The following IFT172 variants were observed in gnomAD, a reference collection of about 807,000 sequenced individuals.
The protein encoded by IFT172 is intraflagellar transport 172.
In IFT172, 164 loss-of-function variants were observed where a neutral mutation model predicts 248.9. The observed-to-expected ratio is 0.66, with a 90% CI of 0.58 to 0.75. The LOEUF is 0.75. Ranked by LOEUF, IFT172 falls within the 30% of genes least tolerant of loss-of-function variation. The probability of loss-of-function intolerance (pLI) is 0.00; values close to 1 mark genes in which losing one functional copy is unlikely to be tolerated. For synonymous variants in IFT172, 729 were observed against 791.6 expected, an observed-to-expected ratio of 0.92 and a Z score of 1.33; for missense variants, 1,950 against 2,192.4, an observed-to-expected ratio of 0.89 and a Z score of 2.21.
rs747304738 is a variant in IFT172, at chr2:27,453,462, C to A, written c.3873G>T (p.Glu1291Asp). 1 of 1,614,148 alleles carries A rather than the reference C, an allele frequency of 6.2e-7. No individual in the cohort carries two copies. The highest frequency in any genetic ancestry group is 1.1e-5 in the South Asian group (1 of 91,088). ...GGTAGCAGTCCACGGCACGGCTGTA[C>A]TCTCCAGCCTGCTCCCAGTGTCGAG... ...EQARHWEQAG[E>D]YSRAVDCYLK... The change falls in exon 35 of 48, where the codon GAG becomes GAT. Residue 1291 changes from glutamate (E) to aspartate (D), a missense_variant. Physicochemically the swap from Glu to Asp is conservative, Grantham distance 45. Transcript: ENST00000260570.
intron 29 of IFT172, 85 bp downstream of exon 29, chr2:27,457,554 G>A (rs1666256139): frequency 4.2e-6 from 5 of 1,188,382 alleles, no homozygotes; most frequent in Non-Finnish European, 6.2e-6. Flanking sequence ...CAGCCTGGGT[G>A]ACAGAGTGAG....
chr2:27,471,053 G>A lies in IFT172; in HGVS notation c.1567C>T (p.Leu523Phe), dbSNP rs1237426653. 3 of 1,612,108 alleles carry A rather than the reference G, an allele frequency of 1.9e-6. No individual in the cohort carries two copies. The African/African-American group carries it at 4.0e-5, about 22-fold the overall frequency. The change falls in exon 16 of 48, where the codon CTC becomes TTC. Residue 523 changes from leucine (L) to phenylalanine (F), a missense_variant. This residue lies in a region of IFT172 where 1,166 missense variants were observed against 1,254.1 expected (regional missense o/e 0.93). Coordinates refer to ENST00000260570, the MANE Select transcript of IFT172 (RefSeq NM_015662.3). ...DIESCSKTMI[L>F]NFCSYMQWVP... Reference sequence around the variant, plus strand: ...CACTGCATATAGGAGCAGAAGTTGAGGATCATTGTCTTAGAGCAGCTTTCA... The same window carrying A: ...CACTGCATATAGGAGCAGAAGTTGAAGATCATTGTCTTAGAGCAGCTTTCA...
At chr2:27,488,549 C>T (rs1668932455) in intron 1 of IFT172, among the ~76,000 whole-genome samples, 2 of 152,182 alleles carry the variant, frequency 1.3e-5, no homozygotes, top group Non-Finnish European at 2.9e-5. Context: ...AGCCACTGGG[C>T]CTGGCCAGAC....
rs1176061294 is a variant in IFT172 at position 27,472,326 on chromosome 2, C to T, written c.1448G>A (p.Ser483Asn). The T allele has an allele frequency of 3.7e-6, 6 of 1,614,028 alleles. No individual in the cohort carries two copies. In the South Asian group the frequency reaches 6.6e-5, roughly 18 times the overall value. Residue 483 changes from serine (S) to asparagine (N), a missense_variant, in exon 15 of 48, where the codon AGC (serine) becomes AAC (asparagine). By Grantham distance (46) the Ser-to-Asn change is conservative. This residue lies in a region of IFT172 where 1,166 missense variants were observed against 1,254.1 expected (regional missense o/e 0.93). Transcript: ENST00000260570. Reference sequence around the variant, plus strand: ...CAGCCAATCCACACGGCTCTCATGGCTGACGGTGCCAATGTTGTAGCCACC... The same window carrying T: ...CAGCCAATCCACACGGCTCTCATGGTTGACGGTGCCAATGTTGTAGCCACC... ...LIGGYNIGTV[S>N]HESRVDWLEL...
chr2:27,461,934 G>A, intron 20 of IFT172, 98 bp from the exon 21 acceptor site: 1 of 1,300,344 alleles, frequency 7.7e-7, no homozygotes, highest in Admixed American at 1.8e-5. Flanking sequence ...CAGCCCATGA[G>A]GACCAAAAGC....
At chr2:27,446,803 C>T (rs1665159364) in intron 42 of IFT172, among the ~76,000 whole-genome samples, 1 of 150,010 alleles carries the variant, frequency 6.7e-6, no homozygotes, top group African/African-American at 2.5e-5. Flanking sequence ...GGGTTCACGC[C>T]ATTCTCCTGC....
At position 27,445,305 on chromosome 2, in the gene IFT172, G is replaced by C; in HGVS notation, c.5059C>G (p.Leu1687Val). The C allele has an allele frequency of 6.2e-7, 1 of 1,612,032 alleles. No homozygotes were observed. Among genetic ancestry groups the C allele is most frequent in the Non-Finnish European group, 8.5e-7 (1 of 1,178,840 alleles). Residue 1687 changes from leucine to valine, a missense_variant, in exon 46 of 48, where the codon CTT becomes GTT. Around this residue, in one of 3 missense-constraint regions of IFT172, gnomAD observed 620 missense variants for 699.0 expected, o/e 0.89. Transcript: ENST00000260570. The surrounding 1 kb of genome is among the most constrained non-coding windows in gnomAD (Gnocchi z 4.4). Reference sequence around the variant, plus strand: ...CTGTAGGCTTCTATACCTGTAATAAGGCAGGGCAGGGCTCGAACACCAGTG... The same window carrying C: ...CTGTAGGCTTCTATACCTGTAATAACGCAGGGCAGGGCTCGAACACCAGTG... ...ASTGVRALPC[L>V]ITGYPILRNK...
chr2:27,462,934 G>A, intron 19 of IFT172, 141 bp from the exon 20 acceptor site: 1 of 1,164,046 alleles, frequency 8.6e-7, no homozygotes, highest in Admixed American at 2.2e-5. Context: ...AAGGTTTGAG[G>A]TTTAGCAAAA....
In IFT172 at chr2:27,445,906, C is replaced by CG. The variant is rs748832823; in HGVS notation, c.4815+22dup. The CG allele has an allele frequency of 6.2e-7, 1 of 1,614,176 alleles. No homozygotes were observed. The highest frequency in any genetic ancestry group is 2.2e-5 in the East Asian group (1 of 44,888). ...CGCGACTGGCAAAAACCTCCACCCT[C>CG]GGGGCACAGCTTCCCTACTCACATC... On this transcript the variant is annotated intron_variant, in intron 44 of 47. Coordinates refer to ENST00000260570, the MANE Select transcript of IFT172 (RefSeq NM_015662.3). The surrounding 1 kb of genome is among the most constrained non-coding windows in gnomAD (Gnocchi z 4.4).
chr2:27,484,262 C>G lies in IFT172; in HGVS notation c.301G>C (p.Asp101His). 1 of 1,613,926 alleles carries G rather than the reference C, an allele frequency of 6.2e-7. No homozygotes were observed. The highest frequency in any genetic ancestry group is 8.5e-7 in the Non-Finnish European group (1 of 1,179,876). ...YVYKIGEDWGDKKVICNKFIQ... is the reference protein window; with the variant it reads ...YVYKIGEDWGHKKVICNKFIQ... ...AACTTGTTGCAGATGACTTTCTTGT[C>G]ACCCCTGCCAAACAAAAGAAGGGGA... The change falls in exon 4 of 48, where the codon GAC becomes CAC. Residue 101 changes from aspartate (D) to histidine (H), a missense_variant. Transcript: ENST00000260570.
intron 7 of IFT172, among the ~76,000 whole-genome samples, chr2:27,482,733 A>G (rs182362083): frequency 6.6e-5 from 10 of 152,260 alleles, no homozygotes; most frequent in African/African-American, 2.2e-4. Flanking sequence ...TATATTTTAC[A>G]TAAATGGGAA....
At chr2:27,462,875 G>T in intron 19 of IFT172, 82 bp from the exon 20 acceptor site, 1 of 1,400,102 alleles carries the variant, frequency 7.1e-7, no homozygotes. Flanking sequence ...AGGCCAGAAG[G>T]ATGTAGAAAA....
intron 16 of IFT172, 126 bp from the exon 17 acceptor site, chr2:27,466,008 C>G: frequency 1.8e-6 from 2 of 1,095,244 alleles, no homozygotes; most frequent in Non-Finnish European, 2.7e-6. Context: ...CCTGATTTTC[C>G]TAACATTTTA....
In IFT172 at chr2:27,461,432, T is replaced by G; in HGVS notation, c.2279A>C (p.Gln760Pro). ...TQQEERAGEL[Q>P]ESQGDGLAAI... is the part of the protein sequence containing the mutation. ...TGCTAGCCCATCCCCTTGGCTCTCC[T>G]GTAGTTCACCTGCTCGCTCCTCTTG... The change falls in exon 22 of 48, where the codon CAG becomes CCG. Residue 760 changes from glutamine to proline, a missense_variant. Gln to Pro is a moderately conservative substitution (Grantham distance 76). Transcript: ENST00000260570. The G allele has an allele frequency of 1.9e-6, 3 of 1,614,164 alleles. No homozygotes were observed. The highest frequency in any genetic ancestry group is 8.5e-7 in the Non-Finnish European group (1 of 1,180,022).
rs199667794 is a variant in IFT172, at chr2:27,445,920, C to T, written c.4815+9G>A. 1.9e-4 allele frequency: 309 copies of T among 1,614,110 alleles called. No homozygotes were observed. The highest frequency in any genetic ancestry group is 8.3e-5 in the Admixed American group (5 of 60,012). On this transcript the variant is annotated intron_variant, in intron 44 of 47. Transcript: ENST00000260570. This position sits in a 1 kb window ranked among gnomAD's most constrained non-coding sequence, Gnocchi z 4.4. The stretch of plus-strand genomic sequence containing the variant: ...ACCTCCACCCTCGGGGCACAGCTTC[C>T]CTACTCACATCGGTCAGGTCCAAAA...
chr2:27,452,006 TATG>T (rs1665720971), intron 35 of IFT172, among the ~76,000 whole-genome samples: 1 of 151,540 alleles, frequency 6.6e-6, no homozygotes, highest in South Asian at 2.1e-4. Flanking sequence ...TATATATATA[TATG>T]TTATTGTTAA....
intron 26 of IFT172, among the ~76,000 whole-genome samples, chr2:27,458,427 C>T (rs1007316357): frequency 1.3e-5 from 2 of 152,180 alleles, no homozygotes; most frequent in Non-Finnish European, 2.9e-5. Flanking sequence ...GGAAGGTCTG[C>T]GATGCCTTGG....
At chr2:27,482,721 T>C (rs547383752) in intron 7 of IFT172, among the ~76,000 whole-genome samples, 1 of 152,290 alleles carries the variant, frequency 6.6e-6, no homozygotes, top group African/African-American at 2.4e-5. Flanking sequence ...TACATAAATA[T>C]ATATATTTTA....
chr2:27,470,069 A>C lies in IFT172; in HGVS notation c.1692+859T>G, dbSNP rs75357872. On this transcript the variant is annotated intron_variant, in intron 16 of 47. Coordinates refer to ENST00000260570, the MANE Select transcript of IFT172 (RefSeq NM_015662.3). Reference sequence around the variant, plus strand: ...AACCCAAAATGTGGAGAAAAAAAAAAGGTGCTTAAAGAAATTAAACACAAA... The same window carrying C: ...AACCCAAAATGTGGAGAAAAAAAAACGGTGCTTAAAGAAATTAAACACAAA... Among the ~76,000 whole-genome samples, 5 of 152,204 alleles carry C rather than the reference A, an allele frequency of 3.3e-5. No individual in the cohort carries two copies. In the East Asian group the frequency reaches 9.7e-4, roughly 29 times the overall value.
Sources: allele counts gnomAD v4.1 joint callset (sites outside exome capture counted in the v4.1 genomes callset), GRCh38; gene constraint gnomAD v4.1.1; regional missense constraint gnomAD v4.1.1; non-coding constraint Gnocchi (gnomAD v3.1); transcripts MANE v1.5; gene names NCBI Gene and HGNC (gene_info 2026-07-23, HGNC 2026-07-21).